The following XPO6 variants were observed in gnomAD, a reference collection of about 807,000 sequenced individuals.
The protein encoded by XPO6 is exportin-6.
Under a neutral mutation model 130.0 loss-of-function variants are expected in XPO6, and 3 were observed. That is an observed-to-expected ratio of 0.02 (90% CI 0.01 to 0.06). The LOEUF is 0.06. Among genes scored for constraint, XPO6 ranks in the 10% least tolerant of loss-of-function variants. The pLI, the probability that XPO6 is intolerant of heterozygous loss-of-function variation, is 1.00. For missense variants in XPO6, 970 were observed against 1,393.0 expected (o/e 0.70, Z 4.83); for synonymous variants, 524 against 548.9 (o/e 0.95, Z 0.63).
intron 5 of XPO6, among the ~76,000 whole-genome samples, chr16:28,167,543 C>T (rs752842100): frequency 6.6e-6 from 1 of 152,196 alleles, no homozygotes; most frequent in Non-Finnish European, 1.5e-5. Context: ...CTGTCTGTCG[C>T]TCAAAATTCC....
At chr16:28,119,518 T>C (rs2087170964) in intron 14 of XPO6, among the ~76,000 whole-genome samples, 1 of 152,146 alleles carries the variant, frequency 6.6e-6, no homozygotes. Context: ...AAAATTAAGA[T>C]CTGGATCTGC....
intron 8 of XPO6, among the ~76,000 whole-genome samples, chr16:28,149,953 G>A (rs150324263): frequency 6.6e-4 from 100 of 152,296 alleles, no homozygotes; most frequent in African/African-American, 2.4e-3. Context: ...ACTTAAAGCT[G>A]TCTCTTGAGA....
chr16:28,148,823 C>A (rs565817956), intron 8 of XPO6, among the ~76,000 whole-genome samples: 2 of 152,088 alleles, frequency 1.3e-5, no homozygotes, highest in African/African-American at 2.4e-5. Context: ...AAGTGGATCA[C>A]CTAAGGTCAG....
intron 16 of XPO6, 131 bp downstream of exon 16, chr16:28,112,773 A>C: frequency 8.3e-7 from 1 of 1,211,958 alleles, no homozygotes; most frequent in Non-Finnish European, 1.1e-6. Flanking sequence ...GCCACACAAT[A>C]AGAAATCTGT....
chr16:28,102,845 T>C (rs1015407570), intron 21 of XPO6, among the ~76,000 whole-genome samples: 2 of 152,024 alleles, frequency 1.3e-5, no homozygotes, highest in African/African-American at 2.4e-5. Context: ...AAAGTGACCA[T>C]GGGGGCAGTC....
chr16:28,201,277 C>T (rs1250160343), intron 1 of XPO6, among the ~76,000 whole-genome samples: 1 of 152,172 alleles, frequency 6.6e-6, no homozygotes, highest in Non-Finnish European at 1.5e-5. Context: ...CTCTTACCAC[C>T]CTCTCCAAAT....
At chr16:28,125,992 A>G (rs372668374) in intron 12 of XPO6, 144 bp from the exon 13 acceptor site, 27 of 968,168 alleles carry the variant, frequency 2.8e-5, no homozygotes, top group African/African-American at 4.9e-5. Flanking sequence ...GCTGCTTCCC[A>G]GTACTGAGCA....
At chr16:28,131,274 C>T (rs950670552) in intron 12 of XPO6, among the ~76,000 whole-genome samples, 8 of 152,144 alleles carry the variant, frequency 5.3e-5, no homozygotes, top group Non-Finnish European at 8.8e-5. Flanking sequence ...GGAAACCAGC[C>T]GTCACAGACC....
intron 9 of XPO6, among the ~76,000 whole-genome samples, chr16:28,143,305 CTAT>C (rs991108104): frequency 6.6e-6 from 1 of 152,214 alleles, no homozygotes; most frequent in Non-Finnish European, 1.5e-5. Flanking sequence ...GTAACATCTT[CTAT>C]TATTCATCAT....
In XPO6 at chr16:28,097,976, T is replaced by C. The variant is rs2141219550; in HGVS notation, c.*562A>G. ...GTAGCAAGCAGCTCCCCAGCCAGGG[T>C]TTCTAGAACAACAACATAGGCATTT... is the stretch of plus-strand genomic sequence containing the variant. On this transcript the variant is annotated 3_prime_UTR_variant, in exon 24 of 24. Transcript: ENST00000304658. The C allele has an allele frequency of 6.6e-6, 1 of 152,532 alleles. No individual in the cohort carries two copies. Among genetic ancestry groups the C allele is most frequent in the East Asian group, 1.9e-4 (1 of 5,180 alleles). 9.4% of individuals were successfully genotyped at this position (152,532 alleles called of 1,614,324 possible). A position where few individuals can be genotyped will look rare whatever the true frequency, so the allele number is the denominator to read the frequency against.
In XPO6 at chr16:28,144,911, TG is replaced by T. The variant is rs1446817067; in HGVS notation, c.1334+1182del. On this transcript the variant is annotated intron_variant, in intron 9 of 23. Transcript: ENST00000304658. ...CAAAACCAGGATCCAAACATAGGTC[TG>T]TGCGATTCCCCGTCATGGCTTCCAC... 2.6e-5 allele frequency among the ~76,000 whole-genome samples: 4 copies of T among 152,334 alleles called. No individual in the cohort carries two copies. In the East Asian group the frequency reaches 7.7e-4, roughly 29 times the overall value.
At chr16:28,137,570 T>C (rs554815631) in intron 9 of XPO6, among the ~76,000 whole-genome samples, 1 of 152,146 alleles carries the variant, frequency 6.6e-6, no homozygotes, top group East Asian at 1.9e-4. Context: ...GCCCATGTGA[T>C]GAGAATCAGT....
intron 16 of XPO6, among the ~76,000 whole-genome samples, chr16:28,112,389 GCCCCTAGC>G (rs1412377664): frequency 6.6e-6 from 1 of 152,172 alleles, no homozygotes; most frequent in Admixed American, 6.5e-5. Context: ...GACAATCCAT[GCCCCTAGC>G]ACCAGGTCAC....
At chr16:28,114,616 G>A (rs1052501619) in intron 15 of XPO6, among the ~76,000 whole-genome samples, 2 of 152,226 alleles carry the variant, frequency 1.3e-5, no homozygotes, top group African/African-American at 4.8e-5. Context: ...TTTTGCTGGT[G>A]AAGGGTCTTC....
Position 28,106,371 on chromosome 16 carries a change from G to A in XPO6, c.2612+12C>T. On this transcript the variant is annotated intron_variant, in intron 19 of 23. Coordinates refer to ENST00000304658, the MANE Select transcript of XPO6 (RefSeq NM_015171.4). The surrounding 1 kb of genome is among the most constrained non-coding windows in gnomAD (Gnocchi z 4.2). ...TGAATCTGAAAACTATAGATGGTGG[G>A]TCTGTGCTTACCTGGTAAACATGTT... 6.2e-7 allele frequency: 1 copy of A among 1,613,042 alleles called. No individual in the cohort carries two copies. Among genetic ancestry groups the A allele is most frequent in the Non-Finnish European group, 8.5e-7 (1 of 1,178,948 alleles).
At chr16:28,164,669 T>C (rs547671023) in intron 6 of XPO6, among the ~76,000 whole-genome samples, 2 of 152,360 alleles carry the variant, frequency 1.3e-5, no homozygotes, top group African/African-American at 4.8e-5. Flanking sequence ...GTTCATATTT[T>C]ATTCCGCTTA....
At chr16:28,138,471 C>T (rs1219241573) in intron 9 of XPO6, among the ~76,000 whole-genome samples, 2 of 152,008 alleles carry the variant, frequency 1.3e-5, no homozygotes, top group Non-Finnish European at 2.9e-5. Context: ...CAAAAAAAAC[C>T]CGTATCGCTT....
rs1186851773 is a variant in XPO6, at chr16:28,135,103, T to C, written c.1443+113A>G. On this transcript the variant is annotated intron_variant, in intron 10 of 23. Transcript: ENST00000304658. ...AAATGTACGACTCAAACCAGAAGAC[T>C]ACTCTGGTTTCAGAACAGTCTTCGG... is the stretch of plus-strand genomic sequence containing the variant. 3 of 772,216 alleles carry C rather than the reference T, an allele frequency of 3.9e-6. No individual in the cohort carries two copies. The African/African-American group carries it at 5.2e-5, about 13-fold the overall frequency. 47.8% of individuals were successfully genotyped at this position (772,216 alleles called of 1,614,324 possible).
At chr16:28,158,419 CA>C (rs1444770487) in intron 6 of XPO6, among the ~76,000 whole-genome samples, 5 of 152,134 alleles carry the variant, frequency 3.3e-5, no homozygotes, top group African/African-American at 1.2e-4. Flanking sequence ...TAGAGATTTG[CA>C]AAACTGTAAA....
Sources: gnomAD v4.1 joint callset for allele counts (sites outside exome capture counted in the v4.1 genomes callset) on GRCh38, gnomAD v4.1.1 for gene constraint, Gnocchi (gnomAD v3.1) non-coding constraint, MANE v1.5 for transcripts, NCBI Gene and HGNC (gene_info 2026-07-23, HGNC 2026-07-21) for gene names.